The following TNFSF15 variants were observed in gnomAD, a reference collection of about 807,000 sequenced individuals.
TNFSF15 encodes the protein TNF superfamily member 15.
In TNFSF15, 15 loss-of-function variants were observed where a neutral mutation model predicts 26.4. The observed-to-expected ratio is 0.57, with a 90% CI of 0.38 to 0.87. TNFSF15 has a LOEUF of 0.87. TNFSF15 is among the 40% of genes least tolerant of loss of function. TNFSF15 has a pLI of 0.00. For missense variants in TNFSF15, 290 were observed against 306.1 expected, an observed-to-expected ratio of 0.95 and a Z score of 0.39; for synonymous variants, 116 against 115.0, an observed-to-expected ratio of 1.01 and a Z score of -0.06.
chr9:114,790,153 C>T lies in TNFSF15; in HGVS notation c.*299G>A, dbSNP rs143181824. 715 of 253,276 alleles carry T rather than the reference C, an allele frequency of 2.8e-3. 19 individuals carry two copies. In the Admixed American group the frequency reaches 0.031, roughly 11 times the overall value. The allele number at this position is 253,276 out of a possible 1,614,324, so 15.7% of individuals were successfully genotyped here. On this transcript the variant is annotated 3_prime_UTR_variant, in exon 4 of 4. Coordinates refer to ENST00000374045, the MANE Select transcript of TNFSF15 (RefSeq NM_005118.4). ...GAAATATTTCTCTTTCAATCCTGAC[C>T]CGAGTAGATCATCCATTCATTTAGT... is the stretch of plus-strand genomic sequence containing the variant.
chr9:114,791,410 C>T (rs1206909926), intron 3 of TNFSF15: 2 of 180,706 alleles, frequency 1.1e-5, no homozygotes, highest in Non-Finnish European at 2.6e-5. Context: ...GAACAAAACA[C>T]TTGTCTTACA....
At chr9:114,792,985 T>C (rs1304580906) in intron 2 of TNFSF15, among the ~76,000 whole-genome samples, 1 of 152,228 alleles carries the variant, frequency 6.6e-6, no homozygotes, top group Non-Finnish European at 1.5e-5. Context: ...TTTCCCTCTC[T>C]GGGCCTCTGT....
At chr9:114,792,292 T>TA in intron 3 of TNFSF15, 115 bp downstream of exon 3, 1 of 1,276,926 alleles carries the variant, frequency 7.8e-7, no homozygotes, top group Non-Finnish European at 1.1e-6. Flanking sequence ...AGGAGTCTCT[T>TA]ACCAAGGAAT....
chr9:114,792,306 G>C, intron 3 of TNFSF15, 101 bp downstream of exon 3: 2 of 1,410,846 alleles, frequency 1.4e-6, no homozygotes, highest in Non-Finnish European at 1.9e-6. Context: ...AAGGAATGTA[G>C]TTTTCATTTT....
intron 1 of TNFSF15, among the ~76,000 whole-genome samples, chr9:114,798,655 G>A (rs1418422397): frequency 6.6e-6 from 1 of 152,146 alleles, no homozygotes; most frequent in Non-Finnish European, 1.5e-5. Context: ...CAAGGTCAAA[G>A]AGTGCATGGA....
chr9:114,790,433 A>AATG lies in TNFSF15; in HGVS notation c.*16_*18dup. On this transcript the variant is annotated 3_prime_UTR_variant, in exon 4 of 4. Coordinates refer to ENST00000374045, the MANE Select transcript of TNFSF15 (RefSeq NM_005118.4). The stretch of plus-strand genomic sequence containing the variant: ...ACTCGGTGGCAGAGGACTTTCATAT[A>AATG]ATGATATTTGCTCTCCTCCTATAGT... 1 of 1,546,252 alleles carries AATG rather than the reference A, an allele frequency of 6.5e-7. No individual in the cohort carries two copies. Among genetic ancestry groups the AATG allele is most frequent in the Non-Finnish European group, 8.7e-7 (1 of 1,146,762 alleles).
At chr9:114,801,548 G>A (rs961170737) in intron 1 of TNFSF15, among the ~76,000 whole-genome samples, 3 of 152,124 alleles carry the variant, frequency 2.0e-5, no homozygotes, top group African/African-American at 4.8e-5. Flanking sequence ...TCCCTGAGCG[G>A]GGAAATTCCC....
chr9:114,797,240 C>T (rs758454052), intron 1 of TNFSF15, among the ~76,000 whole-genome samples: 4 of 152,240 alleles, frequency 2.6e-5, no homozygotes, highest in Non-Finnish European at 5.9e-5. Flanking sequence ...GCTGTGGACA[C>T]ATTTCCCTGT....
At chr9:114,792,269 G>T in intron 3 of TNFSF15, 138 bp downstream of exon 3, 1 of 875,260 alleles carries the variant, frequency 1.1e-6, no homozygotes. Flanking sequence ...ACACACACTG[G>T]AATATTGAGG....
rs1014042083 is a variant in TNFSF15, at chr9:114,788,112, T to C, written c.*2340A>G. On this transcript the variant is annotated 3_prime_UTR_variant, in exon 4 of 4. Transcript: ENST00000374045. ...TGATCATGGAGCTAGACTAGAGTTA[T>C]TGAGGAAACATTCTTGATCTACCAA... 7.8e-5 allele frequency: 12 copies of C among 153,776 alleles called. No homozygotes were observed. In the East Asian group the frequency reaches 1.5e-3, roughly 20 times the overall value. The allele number at this position is 153,776 out of a possible 1,614,324, so 9.5% of individuals were successfully genotyped here. A position where few individuals can be genotyped will look rare whatever the true frequency, so the allele number is the denominator to read the frequency against.
In TNFSF15 at chr9:114,788,847, C is replaced by T. The variant is rs1241107787; in HGVS notation, c.*1605G>A. ...TAGGAGAACAGAGCTGCCTCTCCTG[C>T]CCTTGACATATTAGCGTAGGAAAAT... On this transcript the variant is annotated 3_prime_UTR_variant, in exon 4 of 4. Coordinates refer to ENST00000374045, the MANE Select transcript of TNFSF15 (RefSeq NM_005118.4). 5 of 152,214 alleles carry T rather than the reference C, an allele frequency of 3.3e-5. No homozygotes were observed. Among genetic ancestry groups the T allele is most frequent in the African/African-American group, 7.2e-5 (3 of 41,448 alleles). The allele number at this position is 152,214 out of a possible 1,614,324, so 9.4% of individuals were successfully genotyped here.
In TNFSF15 at chr9:114,792,466, G is replaced by C; in HGVS notation, c.254-12C>G. The C allele has an allele frequency of 6.8e-6, 11 of 1,614,066 alleles. No individual in the cohort carries two copies. Among genetic ancestry groups the C allele is most frequent in the Non-Finnish European group, 8.5e-6 (10 of 1,179,970 alleles). ...TCTAAGAGGTGCATCTGTAACAAAAGGAGAAATGTGCTTTGTATGAGACAA... is the reference window on the plus strand; with the variant it reads ...TCTAAGAGGTGCATCTGTAACAAAACGAGAAATGTGCTTTGTATGAGACAA... On this transcript the variant is annotated splice_polypyrimidine_tract_variant and intron_variant, in intron 2 of 3. Transcript: ENST00000374045.
intron 3 of TNFSF15, chr9:114,791,789 A>T (rs55717217): frequency 1.2e-5 from 2 of 167,730 alleles, no homozygotes; most frequent in African/African-American, 4.8e-5. Context: ...CTTGATTTCT[A>T]TATATCGATG....
At chr9:114,804,475 G>A (rs1377216182) in intron 1 of TNFSF15, among the ~76,000 whole-genome samples, 1 of 152,152 alleles carries the variant, frequency 6.6e-6, no homozygotes, top group East Asian at 1.9e-4. Flanking sequence ...ATGCCTCTGG[G>A]CTTCCTTCAG....
chr9:114,793,304 G>T (rs1212771677), intron 2 of TNFSF15, among the ~76,000 whole-genome samples: 1 of 151,374 alleles, frequency 6.6e-6, no homozygotes, highest in South Asian at 2.1e-4. Context: ...TTCCGGAGTT[G>T]GGGTTTGAGT....
At chr9:114,798,702 C>T (rs55775610) in intron 1 of TNFSF15, among the ~76,000 whole-genome samples, 35,231 of 152,066 alleles carry the variant, frequency 0.23, 4,404 homozygotes, top group South Asian at 0.28. Context: ...AAGTACAGAC[C>T]CTGGCACATA....
Position 114,790,359 on chromosome 9 carries a change from C to T in TNFSF15, c.*93G>A. ...CTGTGGAATGCCCCCTACTCCCGGCCCCAAGAAAACCCCTGGTTATAATTA... is the reference window on the plus strand; with the variant it reads ...CTGTGGAATGCCCCCTACTCCCGGCTCCAAGAAAACCCCTGGTTATAATTA... On this transcript the variant is annotated 3_prime_UTR_variant, in exon 4 of 4. Coordinates refer to ENST00000374045, the MANE Select transcript of TNFSF15 (RefSeq NM_005118.4). The T allele has an allele frequency of 7.5e-7, 1 of 1,333,140 alleles. No homozygotes were observed. Among genetic ancestry groups the T allele is most frequent in the Non-Finnish European group, 1.0e-6 (1 of 973,814 alleles). The allele number at this position is 1,333,140 out of a possible 1,614,324, so 82.6% of individuals were successfully genotyped here.
chr9:114,790,393 C>T lies in TNFSF15; in HGVS notation c.*59G>A. 1.3e-6 allele frequency: 2 copies of T among 1,487,024 alleles called. No individual in the cohort carries two copies. The highest frequency in any genetic ancestry group is 2.7e-5 in the South Asian group (2 of 73,402). The allele number at this position is 1,487,024 out of a possible 1,614,324, so 92.1% of individuals were successfully genotyped here. A position where few individuals can be genotyped will look rare whatever the true frequency, so the allele number is the denominator to read the frequency against. Reference sequence around the variant, plus strand: ...ACCCCTGGTTATAATTACATTTGAACAAAGAAAATTAGGAACTCGGTGGCA... The same window carrying T: ...ACCCCTGGTTATAATTACATTTGAATAAAGAAAATTAGGAACTCGGTGGCA... On this transcript the variant is annotated 3_prime_UTR_variant, in exon 4 of 4. Transcript: ENST00000374045.
At chr9:114,800,908 C>T (rs1380231955) in intron 1 of TNFSF15, among the ~76,000 whole-genome samples, 1 of 152,180 alleles carries the variant, frequency 6.6e-6, no homozygotes, top group Non-Finnish European at 1.5e-5. Context: ...CCCTATTGGT[C>T]TGATTGGAGA....
Sources: allele counts gnomAD v4.1 joint callset (sites outside exome capture counted in the v4.1 genomes callset), GRCh38; gene constraint gnomAD v4.1.1; transcripts MANE v1.5; gene names NCBI Gene and HGNC (gene_info 2026-07-23, HGNC 2026-07-21).